Variants in EPHA3 observed in about 807,000 individuals in gnomAD.
The protein encoded by EPHA3 is EPH receptor A3, also known as ephrin type-A receptor 3.
Under a neutral mutation model 107.1 loss-of-function variants are expected in EPHA3, and 42 were observed. The ratio of observed to expected loss-of-function variants is 0.39; its 90% CI spans 0.31 to 0.51. The LOEUF (loss-of-function observed/expected upper bound fraction) is 0.51, where lower values mean the gene tolerates loss of function less well. EPHA3 is among the 20% of genes least tolerant of loss of function. The pLI is 0.78. For missense variants in EPHA3, 1,183 were observed against 1,211.2 expected (o/e 0.98, Z 0.35); for synonymous variants, 461 against 424.8 (o/e 1.09, Z -1.05).
intron 3 of EPHA3, among the ~76,000 whole-genome samples, chr3:89,232,182 A>G (rs965142832): frequency 6.6e-6 from 1 of 152,144 alleles, no homozygotes; most frequent in Non-Finnish European, 1.5e-5. Flanking sequence ...AGACTAAAAT[A>G]ACACATATTT....
At chr3:89,337,167 C>A (rs1451324911) in intron 3 of EPHA3, among the ~76,000 whole-genome samples, 1 of 151,950 alleles carries the variant, frequency 6.6e-6, no homozygotes, top group Admixed American at 6.6e-5. Flanking sequence ...GAATAGATGA[C>A]AAAGTCTTGC....
At chr3:89,130,945 A>AT (rs1471951416) in intron 2 of EPHA3, among the ~76,000 whole-genome samples, 1 of 152,128 alleles carries the variant, frequency 6.6e-6, no homozygotes, top group Non-Finnish European at 1.5e-5. Flanking sequence ...CCCTATCTCC[A>AT]TTTTTAAATG....
At chr3:89,272,804 A>C (rs938855102) in intron 3 of EPHA3, among the ~76,000 whole-genome samples, 2 of 151,942 alleles carry the variant, frequency 1.3e-5, no homozygotes, top group Non-Finnish European at 2.9e-5. Flanking sequence ...TATTATTGGG[A>C]TAATGAAAGA....
intron 13 of EPHA3, among the ~76,000 whole-genome samples, chr3:89,447,489 G>A (rs1469840466): frequency 1.3e-5 from 2 of 152,094 alleles, no homozygotes; most frequent in Non-Finnish European, 2.9e-5. Flanking sequence ...GAAGTGCTCA[G>A]TTTTACTGAG....
At chr3:89,297,900 T>C (rs1347510881) in intron 3 of EPHA3, among the ~76,000 whole-genome samples, 1 of 152,054 alleles carries the variant, frequency 6.6e-6, no homozygotes, top group Admixed American at 6.5e-5. Flanking sequence ...CTGGGCATGA[T>C]GGTGCATGCC....
In EPHA3 at chr3:89,377,958, G is replaced by C. The variant is rs1187399535; in HGVS notation, c.1307-17879G>C. Among the ~76,000 whole-genome samples, 2 of 152,052 alleles carry C rather than the reference G, an allele frequency of 1.3e-5. 1 individual carries two copies. The highest frequency in any genetic ancestry group is 2.9e-5 in the Non-Finnish European group (2 of 68,008). On this transcript the variant is annotated intron_variant, in intron 5 of 16. Coordinates refer to ENST00000336596, the MANE Select transcript of EPHA3 (RefSeq NM_005233.6). ...ACCCCTTAATTCTGGTAAACCACAT[G>C]TACTACTTTTTACTCCAGGTTATTC...
At chr3:89,413,660 C>T (rs1163045008) in intron 10 of EPHA3, among the ~76,000 whole-genome samples, 1 of 151,728 alleles carries the variant, frequency 6.6e-6, no homozygotes, top group African/African-American at 2.4e-5. Flanking sequence ...AAAGAACAAA[C>T]AACACAAAGT....
At chr3:89,191,307 T>A (rs146105350) in intron 2 of EPHA3, among the ~76,000 whole-genome samples, 6,441 of 151,620 alleles carry the variant, frequency 0.042, 384 homozygotes, top group African/African-American at 0.13. Context: ...TAATTTTTTT[T>A]ATTTTTTTAT....
chr3:89,333,881 G>C (rs985540063), intron 3 of EPHA3, among the ~76,000 whole-genome samples: 2 of 140,176 alleles, frequency 1.4e-5, no homozygotes. Context: ...ATCTCAAAAA[G>C]AAAAAAAAAA....
At position 89,112,099 on chromosome 3, in the gene EPHA3, A is replaced by T. The variant is rs191440933; in HGVS notation, c.88+4263A>T. Among the ~76,000 whole-genome samples the T allele has an allele frequency of 3.7e-3, 559 of 152,248 alleles. 12 individuals carry two copies. Among genetic ancestry groups the T allele is most frequent in the Non-Finnish European group, 6.3e-4 (43 of 67,952 alleles). On this transcript the variant is annotated intron_variant, in intron 1 of 16. Coordinates refer to ENST00000336596, the MANE Select transcript of EPHA3 (RefSeq NM_005233.6). ...TTATAAAAGGGGAACTACATGTAATAAAACACCATTGCCACGTGTTAGATC... is the reference window on the plus strand; with the variant it reads ...TTATAAAAGGGGAACTACATGTAATTAAACACCATTGCCACGTGTTAGATC...
chr3:89,343,883 C>T (rs1210248646), intron 5 of EPHA3, among the ~76,000 whole-genome samples: 1 of 152,062 alleles, frequency 6.6e-6, no homozygotes. Context: ...GGTATTTATA[C>T]TTTGTAACTA....
intron 13 of EPHA3, among the ~76,000 whole-genome samples, chr3:89,433,685 C>G (rs1043404962): frequency 6.6e-6 from 1 of 152,116 alleles, no homozygotes; most frequent in African/African-American, 2.4e-5. Context: ...TTAACAAACA[C>G]AATTCAAATG....
intron 3 of EPHA3, among the ~76,000 whole-genome samples, chr3:89,269,055 T>C (rs1472775964): frequency 6.6e-6 from 1 of 152,142 alleles, no homozygotes; most frequent in Non-Finnish European, 1.5e-5. Context: ...TTTTCTATTC[T>C]TTTAAACATC....
intron 5 of EPHA3, among the ~76,000 whole-genome samples, chr3:89,362,481 C>T (rs1458384857): frequency 1.3e-5 from 2 of 151,042 alleles, no homozygotes; most frequent in Non-Finnish European, 3.0e-5. Flanking sequence ...TAGAGCCCTT[C>T]GTCTTAAATG....
In EPHA3 at chr3:89,399,442, C is replaced by A; in HGVS notation, c.1556C>A (p.Thr519Lys). ...GCCCGAACAGCCGCTGGATATGGGA[C>A]GAACAGCCGCAAGTTTGAGTTTGAA... ...IRARTAAGYG[T>K]NSRKFEFETS... Residue 519 changes from threonine to lysine, a missense_variant, in exon 7 of 17, where the codon ACG becomes AAG. Transcript: ENST00000336596. 1 of 1,614,020 alleles carries A rather than the reference C, an allele frequency of 6.2e-7. No individual in the cohort carries two copies. The highest frequency in any genetic ancestry group is 2.2e-5 in the East Asian group (1 of 44,860).
chr3:89,152,144 A>G (rs1576187151), intron 2 of EPHA3, among the ~76,000 whole-genome samples: 1 of 152,224 alleles, frequency 6.6e-6, no homozygotes, highest in East Asian at 1.9e-4. Context: ...TCACGAAGGT[A>G]CTCATCAACA....
chr3:89,238,754 C>T (rs1446514309), intron 3 of EPHA3, among the ~76,000 whole-genome samples: 2 of 152,160 alleles, frequency 1.3e-5, no homozygotes, highest in Non-Finnish European at 2.9e-5. Flanking sequence ...TAACAAATCA[C>T]TTACTTCATT....
chr3:89,202,788 A>G (rs1706003850), intron 2 of EPHA3, among the ~76,000 whole-genome samples: 3 of 152,146 alleles, frequency 2.0e-5, no homozygotes, highest in Admixed American at 1.3e-4. Flanking sequence ...ATACCAGTAT[A>G]AATATGTGAT....
chr3:89,450,365 C>T lies in EPHA3; in HGVS notation c.2685C>T (p.Ala895=), dbSNP rs76565471. 626 of 1,609,856 alleles carry T rather than the reference C, an allele frequency of 3.9e-4. 4 individuals carry two copies. In the East Asian group the frequency reaches 8.8e-3, roughly 23 times the overall value. ...GCCTGAAGATCATCACCAGTGCAGC[C>T]GCAAGGTGACACATTCAATTTGTTA... is the stretch of plus-strand genomic sequence containing the variant. ...PGSLKIITSA[A]ARPSNLLLDQ... is the part of the protein sequence containing the mutation. The change falls in exon 15 of 17, where the codon GCC becomes GCT. Residue 895 remains alanine (A), a synonymous_variant. Coordinates refer to ENST00000336596, the MANE Select transcript of EPHA3 (RefSeq NM_005233.6).
Sources: gnomAD v4.1 joint callset for allele counts (sites outside exome capture counted in the v4.1 genomes callset) on GRCh38, gnomAD v4.1.1 for gene constraint, MANE v1.5 for transcripts, NCBI Gene and HGNC (gene_info 2026-07-23, HGNC 2026-07-21) for gene names.